PLAC8: variants seen among roughly 807,000 people sequenced by gnomAD.
PLAC8 encodes the protein placenta-specific gene 8 protein.
Under a neutral mutation model 12.6 loss-of-function variants are expected in PLAC8, and 6 were observed. The ratio of observed to expected loss-of-function variants is 0.48; its 90% confidence interval spans 0.26 to 0.94. The LOEUF is 0.94. Among genes scored for constraint, PLAC8 ranks in the 40% least tolerant of loss-of-function variants. The pLI is 0.14. For missense variants in PLAC8, 122 were observed against 152.7 expected (o/e 0.80, Z 1.06); for synonymous variants, 54 against 52.6 (o/e 1.03, Z -0.11).
intron 1 of PLAC8, among the ~76,000 whole-genome samples, chr4:83,113,652 G>A (rs1732471693): frequency 6.6e-6 from 1 of 152,062 alleles, no homozygotes; most frequent in Non-Finnish European, 1.5e-5. Context: ...CACAGGAGCA[G>A]AGAGAGTGAT....
At chr4:83,093,667 T>C (rs1014175576) in intron 4 of PLAC8, 1 of 152,190 alleles carries the variant, frequency 6.6e-6, no homozygotes, top group Non-Finnish European at 1.5e-5. Context: ...GAACATAAAA[T>C]ACCGCTTTGT....
chr4:83,101,682 G>T (rs1732105772), intron 3 of PLAC8, among the ~76,000 whole-genome samples: 2 of 152,226 alleles, frequency 1.3e-5, no homozygotes, highest in Non-Finnish European at 2.9e-5. Context: ...TGTATTCAAA[G>T]GTGCCAAAGA....
Position 83,090,935 on chromosome 4 carries a change from T to A in PLAC8, c.*46A>T, listed in dbSNP as rs1349367771. ...GTGAAGAACTCAAGCTGAAGAGGTG[T>A]CTGCTGAATTTTGTTGCTTCGGTAA... On this transcript the variant is annotated 3_prime_UTR_variant, in exon 5 of 5. Coordinates refer to ENST00000311507, the MANE Select transcript of PLAC8 (RefSeq NM_016619.3). The A allele has an allele frequency of 6.6e-6, 1 of 152,190 alleles. No individual in the cohort carries two copies. Among genetic ancestry groups the A allele is most frequent in the Admixed American group, 6.5e-5 (1 of 15,272 alleles). The allele number at this position is 152,190 out of a possible 1,614,324, so 9.4% of individuals were successfully genotyped here. A position where few individuals can be genotyped will look rare whatever the true frequency, so the allele number is the denominator to read the frequency against.
intron 2 of PLAC8, among the ~76,000 whole-genome samples, chr4:83,105,294 A>G (rs558438182): frequency 6.6e-6 from 1 of 152,282 alleles, no homozygotes; most frequent in Non-Finnish European, 1.5e-5. Context: ...AAACTTATTC[A>G]TTTTCCAGAC....
chr4:83,103,684 T>G (rs1282291131), intron 3 of PLAC8, among the ~76,000 whole-genome samples: 1 of 152,026 alleles, frequency 6.6e-6, no homozygotes, highest in Non-Finnish European at 1.5e-5. Context: ...TGTTTTGTTT[T>G]GTTTGAGATG....
At chr4:83,095,172 G>A (rs1398801002) in intron 3 of PLAC8, among the ~76,000 whole-genome samples, 1 of 152,190 alleles carries the variant, frequency 6.6e-6, no homozygotes, top group African/African-American at 2.4e-5. Context: ...AGAAGAAGGA[G>A]TCTAATACAG....
At chr4:83,106,215 G>A (rs936328893) in intron 2 of PLAC8, among the ~76,000 whole-genome samples, 3 of 151,784 alleles carry the variant, frequency 2.0e-5, no homozygotes, top group Admixed American at 1.3e-4. Context: ...TGGCCAGGCT[G>A]GTCTTGAACT....
chr4:83,100,841 T>A (rs1218123878), intron 3 of PLAC8, among the ~76,000 whole-genome samples: 1 of 152,204 alleles, frequency 6.6e-6, no homozygotes, highest in African/African-American at 2.4e-5. Flanking sequence ...TGAAAGCTAG[T>A]CCTCTTGTGC....
chr4:83,098,007 C>T (rs866340312), intron 3 of PLAC8, among the ~76,000 whole-genome samples: 14 of 152,034 alleles, frequency 9.2e-5, no homozygotes, highest in Middle Eastern at 3.4e-3. Context: ...TGCAGGTGCG[C>T]GCCATCATGC....
intron 1 of PLAC8, among the ~76,000 whole-genome samples, chr4:83,110,944 A>C (rs1469646933): frequency 1.3e-5 from 2 of 152,202 alleles, no homozygotes; most frequent in African/African-American, 4.8e-5. Flanking sequence ...GGCTATCCCT[A>C]GGTGATTGGC....
intron 4 of PLAC8, among the ~76,000 whole-genome samples, chr4:83,091,279 T>A (rs934774668): frequency 5.9e-5 from 9 of 152,206 alleles, no homozygotes; most frequent in Non-Finnish European, 1.0e-4. Flanking sequence ...CACATTACAT[T>A]TAATTGTCAT....
chr4:83,109,984 C>G (rs1023616871), intron 1 of PLAC8: 4 of 152,196 alleles, frequency 2.6e-5, no homozygotes, highest in African/African-American at 9.7e-5. Context: ...CCTCGGGGGA[C>G]CATTCGCCGG....
chr4:83,108,751 T>A (rs957199121), intron 1 of PLAC8, among the ~76,000 whole-genome samples: 3 of 152,260 alleles, frequency 2.0e-5, no homozygotes, highest in Non-Finnish European at 4.4e-5. Context: ...GAGCAACCTG[T>A]GATCATGGCC....
intron 3 of PLAC8, among the ~76,000 whole-genome samples, chr4:83,100,149 C>T (rs533368490): frequency 2.4e-3 from 370 of 151,838 alleles, no homozygotes; most frequent in African/African-American, 7.3e-3. Flanking sequence ...GGCGTGGTGG[C>T]GGGCTCCTGT....
chr4:83,096,704 CGTTT>C (rs1187012487), intron 3 of PLAC8, among the ~76,000 whole-genome samples: 1 of 152,048 alleles, frequency 6.6e-6, no homozygotes, highest in Non-Finnish European at 1.5e-5. Flanking sequence ...TTCAGGAGTT[CGTTT>C]GTTTTTTAAA....
At chr4:83,113,169 A>T (rs564364231) in intron 1 of PLAC8, among the ~76,000 whole-genome samples, 1 of 152,358 alleles carries the variant, frequency 6.6e-6, no homozygotes, top group African/African-American at 2.4e-5. Flanking sequence ...TGCTGCCCTT[A>T]TGCCATAGGC....
intron 1 of PLAC8, among the ~76,000 whole-genome samples, chr4:83,112,928 G>A (rs1395256898): frequency 6.6e-6 from 1 of 152,158 alleles, no homozygotes; most frequent in Non-Finnish European, 1.5e-5. Context: ...AGGACCTTAG[G>A]TACCAGCTTG....
At position 83,090,583 on chromosome 4, in the gene PLAC8, A is replaced by G. The variant is rs1731786645; in HGVS notation, c.*398T>C. On this transcript the variant is annotated 3_prime_UTR_variant, in exon 5 of 5. Transcript: ENST00000311507. ...CCCCCAACTCTATTAAAAAAAAAAA[A>G]AAAGAAAAAGGAAATCAAAGTATAA... 1 of 151,198 alleles carries G rather than the reference A, an allele frequency of 6.6e-6. No individual in the cohort carries two copies. Among genetic ancestry groups the G allele is most frequent in the Non-Finnish European group, 1.5e-5 (1 of 67,796 alleles). The allele number at this position is 151,198 out of a possible 1,614,324, so 9.4% of individuals were successfully genotyped here. A position where few individuals can be genotyped will look rare whatever the true frequency, so the allele number is the denominator to read the frequency against.
At chr4:83,095,174 C>T (rs1437222349) in intron 3 of PLAC8, among the ~76,000 whole-genome samples, 1 of 152,082 alleles carries the variant, frequency 6.6e-6, no homozygotes, top group Non-Finnish European at 1.5e-5. Flanking sequence ...AAGAAGGAGT[C>T]TAATACAGGA....
Sources: gnomAD v4.1 joint callset for allele counts (sites outside exome capture counted in the v4.1 genomes callset) on GRCh38, gnomAD v4.1.1 for gene constraint, MANE v1.5 for transcripts, NCBI Gene and HGNC (gene_info 2026-07-23, HGNC 2026-07-21) for gene names.